Variants in SRPK1 observed in about 807,000 individuals in gnomAD.
The protein encoded by SRPK1 is SFRS protein kinase 1.
A neutral mutation model predicts 89.5 loss-of-function variants in SRPK1; 52 were observed. That is an observed-to-expected ratio of 0.58 (90% confidence interval 0.46 to 0.73). The LOEUF is 0.73. SRPK1 is among the 30% of genes least tolerant of loss of function. SRPK1 has a pLI of 0.00. For missense variants in SRPK1, 603 were observed against 780.6 expected (o/e 0.77, Z 2.71); for synonymous variants, 255 against 270.2 (o/e 0.94, Z 0.55).
Position 35,872,592 on chromosome 6 carries a change from G to T in SRPK1, c.722C>A (p.Ser241Tyr). 6.2e-7 allele frequency: 1 copy of T among 1,610,222 alleles called. No homozygotes were observed. Among genetic ancestry groups the T allele is most frequent in the Non-Finnish European group, 8.5e-7 (1 of 1,178,452 alleles). Residue 241 changes from serine (S) to tyrosine (Y), a missense_variant, in exon 8 of 16, where the codon TCT (serine) becomes TAT (tyrosine). By Grantham distance (144) the Ser-to-Tyr change is moderately radical. Transcript: ENST00000373825. ...LAAEATEWQR[S>Y]GAPPPSGSAV... ...AGATCCGGAAGGCGGAGGAGCTCCA[G>T]ATCGCTGCCATTCTGTTGCTTCTGC...
In SRPK1 at chr6:35,869,649, G is replaced by T; in HGVS notation, c.1244C>A (p.Thr415Lys). 6.2e-7 allele frequency: 1 copy of T among 1,614,024 alleles called. No individual in the cohort carries two copies. The highest frequency in any genetic ancestry group is 1.1e-5 in the South Asian group (1 of 91,084). Residue 415 changes from threonine (T) to lysine (K), a missense_variant, in exon 11 of 16, where the codon ACA becomes AAA. Physicochemically the swap from Thr to Lys is moderately conservative, Grantham distance 78 (BLOSUM62 -1). Coordinates refer to ENST00000373825, the MANE Select transcript of SRPK1 (RefSeq NM_003137.5). ...GTCTGACACCTCAGATGTTATAGGT[G>T]TACAAGAGTCTGTTTCTTGAGATGT... ...SSTSQETDSC[T>K]PITSEVSDTM... is the part of the protein sequence containing the mutation.
intron 12 of SRPK1, among the ~76,000 whole-genome samples, chr6:35,859,828 G>A (rs1168661610): frequency 6.6e-6 from 1 of 151,886 alleles, no homozygotes; most frequent in African/African-American, 2.4e-5. Flanking sequence ...CAGCATGTTT[G>A]CTGAATGAGT....
chr6:35,916,001 C>T (rs11752525), intron 2 of SRPK1, among the ~76,000 whole-genome samples: 1,810 of 32,044 alleles, frequency 0.056, 54 homozygotes, highest in Middle Eastern at 0.13. Context: ...AATATATACA[C>T]ACACACACAC....
intron 6 of SRPK1, among the ~76,000 whole-genome samples, chr6:35,877,076 A>G (rs561563793): frequency 6.6e-6 from 1 of 152,280 alleles, no homozygotes; most frequent in Admixed American, 6.5e-5. Flanking sequence ...AAACATCTTA[A>G]AGGATTATAG....
intron 2 of SRPK1, among the ~76,000 whole-genome samples, chr6:35,908,441 A>G (rs989548184): frequency 1.5e-4 from 23 of 152,356 alleles, no homozygotes; most frequent in Admixed American, 5.2e-4. Flanking sequence ...AGAGACTGGC[A>G]GCATTCTGCC....
At chr6:35,852,643 C>T (rs1268470432) in intron 13 of SRPK1, among the ~76,000 whole-genome samples, 5 of 152,114 alleles carry the variant, frequency 3.3e-5, no homozygotes, top group Admixed American at 6.5e-5. Context: ...ACATTTCTGC[C>T]GTTTCATTCG....
chr6:35,904,669 C>T lies in SRPK1; in HGVS notation c.75-13656G>A, dbSNP rs556463619. Among the ~76,000 whole-genome samples the T allele has an allele frequency of 7.3e-5, 11 of 151,566 alleles. No individual in the cohort carries two copies. The East Asian group carries it at 9.8e-4, about 13-fold the overall frequency. ...CAAAAATTAGCTGGGCATGGTGGTG[C>T]GTGCCTGTAATCCCAGCTACTCGGG... On this transcript the variant is annotated intron_variant, in intron 2 of 15. Transcript: ENST00000373825.
intron 7 of SRPK1, among the ~76,000 whole-genome samples, 168 bp downstream of exon 7, chr6:35,874,065 G>C (rs895582322): frequency 6.6e-6 from 1 of 151,610 alleles, no homozygotes; most frequent in East Asian, 1.9e-4. Flanking sequence ...CTGACCTCGT[G>C]ATCTGCCCGC....
At chr6:35,876,802 C>A (rs547800392) in intron 6 of SRPK1, among the ~76,000 whole-genome samples, 190 of 152,126 alleles carry the variant, frequency 1.2e-3, no homozygotes, top group Non-Finnish European at 2.2e-3. Context: ...GTACAGTGAT[C>A]CCTGAAAAAA....
At chr6:35,885,044 C>A (rs1770372724) in intron 6 of SRPK1, among the ~76,000 whole-genome samples, 1 of 152,000 alleles carries the variant, frequency 6.6e-6, no homozygotes, top group African/African-American at 2.4e-5. Flanking sequence ...AAAAAGCCTT[C>A]TTTGCTTAGT....
intron 2 of SRPK1, among the ~76,000 whole-genome samples, chr6:35,913,066 C>G (rs536440302): frequency 1.3e-5 from 2 of 152,198 alleles, no homozygotes; most frequent in East Asian, 1.9e-4. Context: ...GCCACTGTAC[C>G]GAGCCTTTTT....
At chr6:35,920,388 C>T in intron 2 of SRPK1, 80 bp downstream of exon 2, 1 of 1,536,506 alleles carries the variant, frequency 6.5e-7, no homozygotes, top group South Asian at 1.1e-5. Context: ...AAACCCGGTG[C>T]ACGTTCAAGA....
intron 2 of SRPK1, among the ~76,000 whole-genome samples, chr6:35,907,523 T>C (rs772605069): frequency 6.6e-6 from 1 of 151,996 alleles, no homozygotes; most frequent in Non-Finnish European, 1.5e-5. Context: ...CTGACCAACA[T>C]AGTGAAACTC....
At chr6:35,906,437 C>A (rs981877064) in intron 2 of SRPK1, among the ~76,000 whole-genome samples, 1 of 152,212 alleles carries the variant, frequency 6.6e-6, no homozygotes, top group African/African-American at 2.4e-5. Context: ...GTTGGCCAGG[C>A]TGGTGTCAAA....
At position 35,857,262 on chromosome 6, in the gene SRPK1, A is replaced by G. The variant is rs760351696; in HGVS notation, c.1619T>C (p.Met540Thr). The change falls in exon 13 of 16, where the codon ATG (methionine) becomes ACG (threonine). Residue 540 changes from methionine (M) to threonine (T), a missense_variant and splice_region_variant. By Grantham distance (81) the Met-to-Thr change is moderately conservative (BLOSUM62 -1). Transcript: ENST00000373825. ...TPADIWSTAC[M>T]AFELATGDYL... The stretch of plus-strand genomic sequence containing the variant: ...AAAGCCAAGGGGAAAAAACATTACC[A>G]TGCATGCCGTGCTCCAAATGTCAGC... 3 of 1,609,304 alleles carry G rather than the reference A, an allele frequency of 1.9e-6. No individual in the cohort carries two copies. Among genetic ancestry groups the G allele is most frequent in the Non-Finnish European group, 1.7e-6 (2 of 1,176,914 alleles).
chr6:35,844,225 G>C (rs550973025), intron 13 of SRPK1, among the ~76,000 whole-genome samples: 1 of 151,114 alleles, frequency 6.6e-6, no homozygotes, highest in Non-Finnish European at 1.5e-5. Flanking sequence ...GGATGGTCTC[G>C]ATCTCCTGAC....
intron 2 of SRPK1, among the ~76,000 whole-genome samples, chr6:35,898,528 T>A (rs1052921931): frequency 7.9e-5 from 12 of 152,174 alleles, no homozygotes; most frequent in African/African-American, 1.7e-4. Flanking sequence ...CTGAAATAAT[T>A]ATTTTTTTAA....
intron 6 of SRPK1, among the ~76,000 whole-genome samples, chr6:35,876,003 T>G (rs1582011425): frequency 1.3e-5 from 2 of 149,042 alleles, no homozygotes; most frequent in East Asian, 2.0e-4. Context: ...ACAAACACGG[T>G]TAACCTGAAT....
chr6:35,851,346 G>C (rs573872862), intron 13 of SRPK1, among the ~76,000 whole-genome samples: 1 of 151,996 alleles, frequency 6.6e-6, no homozygotes, highest in South Asian at 2.1e-4. Context: ...GCTAACTTTT[G>C]TATTTTTGGT....
Sources: gnomAD v4.1 joint callset for allele counts (sites outside exome capture counted in the v4.1 genomes callset) on GRCh38, gnomAD v4.1.1 for gene constraint, MANE v1.5 for transcripts, NCBI Gene and HGNC (gene_info 2026-07-23, HGNC 2026-07-21) for gene names.